The following CNTNAP2 variants were observed in gnomAD, a reference collection of about 807,000 sequenced individuals.
The protein encoded by CNTNAP2 is contactin associated protein 2.
In CNTNAP2, 98 loss-of-function variants were observed where a neutral mutation model predicts 155.2. That is an observed-to-expected ratio of 0.63 (90% CI 0.54 to 0.75). The LOEUF is 0.75. Among genes scored for constraint, CNTNAP2 ranks in the 30% least tolerant of loss-of-function variants. CNTNAP2 has a pLI of 0.00. For synonymous variants in CNTNAP2, 651 were observed against 631.2 expected (o/e 1.03, Z -0.47); for missense variants, 1,727 against 1,688.1 (o/e 1.02, Z -0.40).
intron 21 of CNTNAP2, among the ~76,000 whole-genome samples, chr7:148,279,291 G>T (rs1181028899): frequency 6.6e-6 from 1 of 152,192 alleles, no homozygotes; most frequent in Non-Finnish European, 1.5e-5. Flanking sequence ...CCATGTGAGA[G>T]TTAGAGGCAC....
At chr7:148,214,391 C>T (rs1255372043) in intron 18 of CNTNAP2, among the ~76,000 whole-genome samples, 1 of 152,132 alleles carries the variant, frequency 6.6e-6, no homozygotes, top group Non-Finnish European at 1.5e-5. Flanking sequence ...ACTGTTGATG[C>T]GTCTCCTCCC....
intron 21 of CNTNAP2, among the ~76,000 whole-genome samples, chr7:148,349,558 T>C (rs929667842): frequency 1.3e-5 from 2 of 151,894 alleles, no homozygotes; most frequent in African/African-American, 2.4e-5. Flanking sequence ...CCCGTCACCA[T>C]GCCCGGCTAA....
chr7:147,169,483 C>A (rs1802184167), intron 8 of CNTNAP2, among the ~76,000 whole-genome samples: 1 of 152,128 alleles, frequency 6.6e-6, no homozygotes, highest in South Asian at 2.1e-4. Flanking sequence ...TTTATATGTT[C>A]ATGTGTGTCC....
intron 1 of CNTNAP2, among the ~76,000 whole-genome samples, chr7:146,243,783 G>A (rs1799600080): frequency 6.6e-6 from 1 of 152,072 alleles, no homozygotes; most frequent in Admixed American, 6.6e-5. Context: ...AGATTACAGA[G>A]GAATAAATAA....
At chr7:147,932,477 T>A (rs957756340) in intron 14 of CNTNAP2, among the ~76,000 whole-genome samples, 1 of 152,170 alleles carries the variant, frequency 6.6e-6, no homozygotes, top group Non-Finnish European at 1.5e-5. Context: ...ATTTCTTCAA[T>A]AAATAGTGTT....
chr7:147,826,900 T>C (rs1320236347), intron 13 of CNTNAP2, among the ~76,000 whole-genome samples: 1 of 151,722 alleles, frequency 6.6e-6, no homozygotes, highest in Non-Finnish European at 1.5e-5. Context: ...ATTAAGTGGA[T>C]ATCCCCCTTT....
At chr7:146,258,214 C>A (rs775110110) in intron 1 of CNTNAP2, among the ~76,000 whole-genome samples, 6 of 152,042 alleles carry the variant, frequency 3.9e-5, no homozygotes, top group Non-Finnish European at 8.8e-5. Context: ...TGTCTTCATT[C>A]ATTTATTAAA....
intron 11 of CNTNAP2, among the ~76,000 whole-genome samples, chr7:147,506,339 T>A (rs1205286628): frequency 6.6e-6 from 1 of 152,186 alleles, no homozygotes; most frequent in Non-Finnish European, 1.5e-5. Flanking sequence ...CACTGCAACC[T>A]CCGCCTCCTG....
chr7:147,027,968 T>G (rs1798954529), intron 3 of CNTNAP2, among the ~76,000 whole-genome samples: 1 of 152,174 alleles, frequency 6.6e-6, no homozygotes, highest in Non-Finnish European at 1.5e-5. Flanking sequence ...TAAAGATGTT[T>G]AATAGAAAGT....
intron 1 of CNTNAP2, among the ~76,000 whole-genome samples, chr7:146,231,015 A>AAAATAAATAAATAAATAAATAAAT (rs71527791): frequency 0.064 from 5,162 of 80,600 alleles, 125 homozygotes; most frequent in African/African-American, 0.09. Context: ...ACTTTGTCTC[A>AAAATAAATAAATAAATAAATAAAT]AAATAAATAA....
intron 21 of CNTNAP2, among the ~76,000 whole-genome samples, chr7:148,306,764 TTG>T (rs1797498361): frequency 6.6e-6 from 1 of 151,534 alleles, no homozygotes; most frequent in Non-Finnish European, 1.5e-5. Flanking sequence ...GGTTGGTTGG[TTG>T]GTGTGTGTGT....
intron 18 of CNTNAP2, among the ~76,000 whole-genome samples, chr7:148,194,126 A>G (rs1039597258): frequency 2.8e-5 from 4 of 142,478 alleles, no homozygotes; most frequent in Non-Finnish European, 4.6e-5. Context: ...GCATGCCACC[A>G]TGCCTGGCTA....
At chr7:147,401,394 C>A (rs1796909713) in intron 10 of CNTNAP2, among the ~76,000 whole-genome samples, 1 of 151,850 alleles carries the variant, frequency 6.6e-6, no homozygotes, top group Admixed American at 6.6e-5. Flanking sequence ...TAATCACAGA[C>A]CCAGTTTTTT....
intron 1 of CNTNAP2, among the ~76,000 whole-genome samples, chr7:146,619,318 A>G (rs1220034157): frequency 6.6e-6 from 1 of 152,114 alleles, no homozygotes; most frequent in Non-Finnish European, 1.5e-5. Flanking sequence ...ATGAAGAAAA[A>G]TATTCCATCT....
At chr7:147,379,216 T>C (rs777358524) in intron 9 of CNTNAP2, among the ~76,000 whole-genome samples, 36 of 152,158 alleles carry the variant, frequency 2.4e-4, no homozygotes, top group Non-Finnish European at 4.4e-4. Context: ...ATTAGCAGTA[T>C]GAGAACAGCC....
chr7:147,584,540 A>T (rs1048064245), intron 12 of CNTNAP2, among the ~76,000 whole-genome samples: 6 of 152,238 alleles, frequency 3.9e-5, no homozygotes, highest in Admixed American at 3.3e-4. Flanking sequence ...TTCATGAAGT[A>T]TGATGATCTA....
intron 15 of CNTNAP2, among the ~76,000 whole-genome samples, chr7:148,030,028 G>A (rs944802168): frequency 5.9e-5 from 9 of 152,198 alleles, no homozygotes; most frequent in Non-Finnish European, 1.3e-4. Flanking sequence ...CAGACACTCA[G>A]TGAATAACCT....
In CNTNAP2 at chr7:148,340,632, C is replaced by T. The variant is rs561235162; in HGVS notation, c.3476-43017C>T. On this transcript the variant is annotated intron_variant, in intron 21 of 23. Transcript: ENST00000361727. ...TAATACCTAATCATCACCATTAGCA[C>T]TTCAGACGTTCACAGCTTTCTGAAT... Among the ~76,000 whole-genome samples, 5 of 152,368 alleles carry T rather than the reference C, an allele frequency of 3.3e-5. No individual in the cohort carries two copies. The South Asian group carries it at 1.0e-3, about 32-fold the overall frequency.
At chr7:146,797,129 C>A (rs1214619623) in intron 2 of CNTNAP2, among the ~76,000 whole-genome samples, 1 of 151,992 alleles carries the variant, frequency 6.6e-6, no homozygotes, top group African/African-American at 2.4e-5. Flanking sequence ...GAGCGAGACT[C>A]CATCTAGAAA....
Sources: gnomAD v4.1 joint callset for allele counts (sites outside exome capture counted in the v4.1 genomes callset) on GRCh38, gnomAD v4.1.1 for gene constraint, MANE v1.5 for transcripts, NCBI Gene and HGNC (gene_info 2026-07-23, HGNC 2026-07-21) for gene names.